IGSF1: variants seen among roughly 807,000 people sequenced by gnomAD.
IGSF1 encodes immunoglobulin-like domain-containing protein 1.
IGSF1 carries 40 observed loss-of-function variants against 95.3 expected under a neutral mutation model. The observed-to-expected ratio is 0.42, with a 90% CI of 0.33 to 0.55. The LOEUF is 0.55. Ranked by LOEUF, IGSF1 falls within the 20% of genes least tolerant of loss-of-function variation. IGSF1 has a pLI of 0.10. For synonymous variants in IGSF1, 372 were observed against 382.9 expected, an observed-to-expected ratio of 0.97 and a Z score of 0.33; for missense variants, 906 against 1,025.4, an observed-to-expected ratio of 0.88 and a Z score of 1.59.
Position 131,273,841 on chromosome X carries a change from T to C in IGSF1, c.3966A>G (p.Ser1322=), listed in dbSNP as rs761978598. Residue 1322 remains serine, a synonymous_variant, in exon 20 of 20, where the codon TCA becomes TCG. Transcript: ENST00000361420. ...GEPGTPANSP[S]STSQRISVEL... ...CCACAGAGATTCTCTGAGAGGTTGA[T>C]GAAGGAGAATTGGCAGGGGTGCCTG... The C allele has an allele frequency of 3.5e-5, 42 of 1,208,076 alleles. No individual in the cohort carries two copies. Among genetic ancestry groups the C allele is most frequent in the Non-Finnish European group, 2.0e-5 (18 of 893,568 alleles).
Position 131,285,920 on chromosome X carries a change from G to A in IGSF1, c.226C>T (p.Gln76Ter). 1 of 1,211,663 alleles carries A rather than the reference G, an allele frequency of 8.3e-7. No individual in the cohort carries two copies. Among genetic ancestry groups the A allele is most frequent in the Non-Finnish European group, 1.1e-6 (1 of 895,433 alleles). Residue 76 changes from glutamine (Q) to a stop codon, truncating the protein, a stop_gained, in exon 4 of 20, where the codon CAG becomes TAG. Coordinates refer to ENST00000361420, the MANE Select transcript of IGSF1 (RefSeq NM_001555.5). LOFTEE classifies it high-confidence loss of function. ...TGGGAAGGGCGGATCCAGGTCATCT[G>A]TGTCTTATCCTTCAGCAGCAGGAAC... Reference protein sequence around the residue: ...SKFLLLKDKTQMTWIRPSHKT... With the variant: ...SKFLLLKDKT
In IGSF1 at chrX:131,274,112, C is replaced by G. The variant is rs149959109; in HGVS notation, c.3846G>C (p.Glu1282Asp). Residue 1282 changes from glutamate (E) to aspartate (D), a missense_variant, in exon 19 of 20, where the codon GAG (glutamate) becomes GAC (aspartate). Transcript: ENST00000361420. The part of the protein sequence containing the change: ...VVALGVVLAI[E>D]WKKWPRLRTR... ...TTCGCAGTCGAGGCCACTTCTTCCA[C>G]TCTATGGCTAGCACTACCCCCAAGG... is the stretch of plus-strand genomic sequence containing the variant. 146 of 1,209,788 alleles carry G rather than the reference C, an allele frequency of 1.2e-4. No homozygotes were observed. The highest frequency in any genetic ancestry group is 1.3e-4 in the Non-Finnish European group (115 of 895,123).
chrX:131,285,750 T>C lies in IGSF1; in HGVS notation c.379+17A>G, dbSNP rs993986328. The stretch of plus-strand genomic sequence containing the variant: ...TCAGGAGCTGGAGTTGATTCTTGAG[T>C]ATCACTGTCATCTTACCTGGTGCCT... On this transcript the variant is annotated intron_variant, in intron 4 of 19. Coordinates refer to ENST00000361420, the MANE Select transcript of IGSF1 (RefSeq NM_001555.5). The C allele has an allele frequency of 7.6e-6, 9 of 1,183,003 alleles. No individual in the cohort carries two copies. The highest frequency in any genetic ancestry group is 1.0e-5 in the Non-Finnish European group (9 of 878,981).
chrX:131,285,716 G>A (rs374152117), intron 4 of IGSF1, 51 bp downstream of exon 4: 1 of 1,127,471 alleles, frequency 8.9e-7, no homozygotes. Flanking sequence ...TGGAAGGCAA[G>A]TTTGAATCTC....
intron 9 of IGSF1, among the ~76,000 whole-genome samples, chrX:131,280,666 A>G (rs1207272756): frequency 8.9e-6 from 1 of 112,129 alleles, no homozygotes; most frequent in Non-Finnish European, 1.9e-5. Flanking sequence ...TGCCCCGTCC[A>G]ATATCACATC....
rs1398305481 is a variant in IGSF1, at chrX:131,277,135, C to T, written c.2412G>A (p.Gln804=). 1 of 1,209,347 alleles carries T rather than the reference C, an allele frequency of 8.3e-7. No homozygotes were observed. Among genetic ancestry groups the T allele is most frequent in the East Asian group, 3.0e-5 (1 of 33,746 alleles). The part of the protein sequence containing the change: ...RVTFNCSTPH[Q]HMSFILYKDG... The stretch of plus-strand genomic sequence containing the variant: ...CTTTGTAAAGAATAAAGCTCATATG[C>T]TGGTGGGGGGTGGAGCAATTGAAAG... Residue 804 remains glutamine (Q), a synonymous_variant, in exon 14 of 20, where the codon CAG becomes CAA. Coordinates refer to ENST00000361420, the MANE Select transcript of IGSF1 (RefSeq NM_001555.5).
chrX:131,277,326 T>A, intron 13 of IGSF1, 100 bp from the exon 14 acceptor site: 1 of 823,676 alleles, frequency 1.2e-6, no homozygotes, highest in Non-Finnish European at 1.7e-6. Flanking sequence ...AAATATTGGT[T>A]CTCGGAGGCT....
intron 7 of IGSF1, 33 bp from the exon 8 acceptor site, chrX:131,281,977 G>A: frequency 8.6e-7 from 1 of 1,158,531 alleles, no homozygotes; most frequent in Non-Finnish European, 1.2e-6. Context: ...AGTGAGAAGT[G>A]ACCTCAAACC....
chrX:131,278,813 C>T, intron 11 of IGSF1, 62 bp from the exon 12 acceptor site: 3 of 1,051,848 alleles, frequency 2.9e-6, no homozygotes, highest in East Asian at 3.0e-5. Flanking sequence ...TCCTCCTTGC[C>T]CTTGAACCCT....
At chrX:131,281,076 T>A in intron 9 of IGSF1, 142 bp downstream of exon 9, 3 of 613,622 alleles carry the variant, frequency 4.9e-6, no homozygotes, top group Non-Finnish European at 7.8e-6. Flanking sequence ...AAGAGACAGG[T>A]GGGGTGAGAA....
At position 131,282,301 on chromosome X, in the gene IGSF1, T is replaced by C. The variant is rs1027603396; in HGVS notation, c.1246+143A>G. 4 of 467,530 alleles carry C rather than the reference T, an allele frequency of 8.6e-6. No homozygotes were observed. In the Admixed American group the frequency reaches 1.3e-4, roughly 15 times the overall value. The allele number at this position is 467,530 out of a possible 1,213,427, so 38.5% of individuals were successfully genotyped here. Reference sequence around the variant, plus strand: ...TTTTGGAAGAAAGTTCTACACCACCTTCCTAGTGCGTGTGTGTGTGTATGT... The same window carrying C: ...TTTTGGAAGAAAGTTCTACACCACCCTCCTAGTGCGTGTGTGTGTGTATGT... On this transcript the variant is annotated intron_variant, in intron 7 of 19. Transcript: ENST00000361420.
At chrX:131,280,251 T>C (rs1436077290) in intron 9 of IGSF1, among the ~76,000 whole-genome samples, 1 of 111,329 alleles carries the variant, frequency 9.0e-6, no homozygotes, top group Non-Finnish European at 1.9e-5. Context: ...TGAAACTTTT[T>C]GAAAACTCAA....
At position 131,278,693 on chromosome X, in the gene IGSF1, G is replaced by A. The variant is rs761715574; in HGVS notation, c.1809C>T (p.Ala603=). The A allele has an allele frequency of 2.5e-6, 3 of 1,209,312 alleles. No individual in the cohort carries two copies. The highest frequency in any genetic ancestry group is 1.7e-5 in the African/African-American group (1 of 57,176). Residue 603 remains alanine, a synonymous_variant, in exon 12 of 20, where the codon GCC becomes GCT. Coordinates refer to ENST00000361420, the MANE Select transcript of IGSF1 (RefSeq NM_001555.5). ...ACCAGAGGGTTAAGTTCTTCCACGGGGCCAGAGGAAAGTTGGTCTCTGCCC... is the reference window on the plus strand; with the variant it reads ...ACCAGAGGGTTAAGTTCTTCCACGGAGCCAGAGGAAAGTTGGTCTCTGCCC... ...ELWAETNFPL[A]PWKNLTLWCR... is the part of the protein sequence containing the mutation.
Position 131,274,260 on chromosome X carries a change from T to A in IGSF1, c.3752-54A>T. On this transcript the variant is annotated intron_variant, in intron 18 of 19. Coordinates refer to ENST00000361420, the MANE Select transcript of IGSF1 (RefSeq NM_001555.5). Reference sequence around the variant, plus strand: ...GCCATGGAGATTAGCGTGTGTATGTTCCCCTTGATCTGGTATTGCCCCACA... The same window carrying A: ...GCCATGGAGATTAGCGTGTGTATGTACCCCTTGATCTGGTATTGCCCCACA... The A allele has an allele frequency of 5.0e-6, 6 of 1,190,015 alleles. No homozygotes were observed. In the East Asian group the frequency reaches 1.5e-4, roughly 29 times the overall value.
At position 131,285,892 on chromosome X, in the gene IGSF1, T is replaced by C. The variant is rs2080628330; in HGVS notation, c.254A>G (p.Lys85Arg). Reference protein sequence around the residue: ...TQMTWIRPSHKTFQVSFLIGA... With the variant: ...TQMTWIRPSHRTFQVSFLIGA... Reference sequence around the variant, plus strand: ...TATAAGGAATGAAACTTGGAAGGTCTTGTGGGAAGGGCGGATCCAGGTCAT... The same window carrying C: ...TATAAGGAATGAAACTTGGAAGGTCCTGTGGGAAGGGCGGATCCAGGTCAT... The change falls in exon 4 of 20, where the codon AAG becomes AGG. Residue 85 changes from lysine to arginine, a missense_variant. Physicochemically the swap from Lys to Arg is conservative, Grantham distance 26. Transcript: ENST00000361420. The C allele has an allele frequency of 1.4e-5, 17 of 1,209,593 alleles. No homozygotes were observed. Among genetic ancestry groups the C allele is most frequent in the Admixed American group, 2.2e-5 (1 of 45,747 alleles).
chrX:131,275,537 G>GGGT lies in IGSF1; in HGVS notation c.3122_3124dup (p.His1041dup). The GGGT allele has an allele frequency of 8.3e-7, 1 of 1,211,564 alleles. No homozygotes were observed. Among genetic ancestry groups the GGGT allele is most frequent in the Non-Finnish European group, 1.1e-6 (1 of 895,186 alleles). ...TATCTTGATAGAACTGGTCCAGTCA[G>GGGT]GGTGGTAGCAGCAGCTGTAACGCCC... On this transcript the variant is annotated inframe_insertion, in exon 16 of 20. Coordinates refer to ENST00000361420, the MANE Select transcript of IGSF1 (RefSeq NM_001555.5).
At chrX:131,277,796 C>T in intron 13 of IGSF1, 60 bp downstream of exon 13, 4 of 1,129,006 alleles carry the variant, frequency 3.5e-6, no homozygotes, top group East Asian at 6.0e-5. Context: ...GTGTCTGACC[C>T]AGGGCTTTGC....
At chrX:131,275,831 ACT>A in intron 15 of IGSF1, 66 bp from the exon 16 acceptor site, 3 of 1,160,686 alleles carry the variant, frequency 2.6e-6, no homozygotes, top group Non-Finnish European at 3.5e-6. Flanking sequence ...TTAAATTAAC[ACT>A]CTATCTTTCT....
chrX:131,280,533 G>C (rs1418455309), intron 9 of IGSF1, among the ~76,000 whole-genome samples: 1 of 111,948 alleles, frequency 8.9e-6, no homozygotes. Flanking sequence ...AGAGTAGCCT[G>C]AGCACAAGCC....
Sources: allele counts gnomAD v4.1 joint callset (sites outside exome capture counted in the v4.1 genomes callset), GRCh38; gene constraint gnomAD v4.1.1; transcripts MANE v1.5; gene names NCBI Gene and HGNC (gene_info 2026-07-23, HGNC 2026-07-21).